ROBO2: variants seen among roughly 807,000 people sequenced by gnomAD.
The protein encoded by ROBO2 is roundabout homolog 2.
A neutral mutation model predicts 160.8 loss-of-function variants in ROBO2; 53 were observed. The observed-to-expected ratio is 0.33, with a 90% CI of 0.26 to 0.41. The LOEUF is 0.41. ROBO2 is among the 10% of genes least tolerant of loss of function. ROBO2 has a pLI of 1.00. For synonymous variants in ROBO2, 664 were observed against 611.7 expected, an observed-to-expected ratio of 1.09 and a Z score of -1.26; for missense variants, 1,577 against 1,722.4, an observed-to-expected ratio of 0.92 and a Z score of 1.49.
At chr3:77,079,692 T>C (rs1355937267) in intron 1 of ROBO2, among the ~76,000 whole-genome samples, 1 of 152,224 alleles carries the variant, frequency 6.6e-6, no homozygotes. Context: ...CTCATAATGA[T>C]GTTCATTCCA....
Position 76,877,067 on chromosome 3 carries a change from GA to G in ROBO2, c.110-220939del, listed in dbSNP as rs763607957. ...ATTTTACATTTTCCATAAGAGTAAA[GA>G]AAAAAAATATTTTCCAAGATTAAAA... On this transcript the variant is annotated intron_variant, in intron 2 of 26. Coordinates refer to the ROBO2 transcript ENST00000487694. Among the ~76,000 whole-genome samples the G allele has an allele frequency of 1.4e-4, 21 of 151,794 alleles. No homozygotes were observed. In the East Asian group the frequency reaches 2.3e-3, roughly 17 times the overall value.
At chr3:76,332,629 A>T (rs2073576401) in intron 2 of ROBO2, among the ~76,000 whole-genome samples, 1 of 152,212 alleles carries the variant, frequency 6.6e-6, no homozygotes, top group South Asian at 2.1e-4. Flanking sequence ...CTGTTTACAC[A>T]TTTCTGAAAC....
chr3:75,939,413 A>G (rs1213857040), intron 2 of ROBO2, among the ~76,000 whole-genome samples: 1 of 152,162 alleles, frequency 6.6e-6, no homozygotes, highest in Non-Finnish European at 1.5e-5. Context: ...TGATTGCTCA[A>G]ATATTCTATC....
At chr3:76,639,998 G>A (rs1234359223) in intron 2 of ROBO2, among the ~76,000 whole-genome samples, 1 of 152,088 alleles carries the variant, frequency 6.6e-6, no homozygotes, top group Non-Finnish European at 1.5e-5. Context: ...CTATTTTTAC[G>A]GGGTTATGAT....
rs1583036955 is a variant in ROBO2, at chr3:77,574,423, T to G, written c.1972-76T>G. On this transcript the variant is annotated intron_variant, in intron 13 of 25. Coordinates refer to ENST00000461745, the Ensembl canonical transcript of ROBO2. ...GTTATGAGGACAGAAATGGGACAAA[T>G]GAAAAGAGGACAAATTCATTGTGTT... 3 of 1,276,806 alleles carry G rather than the reference T, an allele frequency of 2.3e-6. No homozygotes were observed. The East Asian group carries it at 7.1e-5, about 30-fold the overall frequency. The allele number at this position is 1,276,806 out of a possible 1,614,324, so 79.1% of individuals were successfully genotyped here.
chr3:76,480,973 T>G (rs918096152), intron 2 of ROBO2, among the ~76,000 whole-genome samples: 1 of 152,136 alleles, frequency 6.6e-6, no homozygotes, highest in African/African-American at 2.4e-5. Context: ...TTTATAGAGA[T>G]TGTATGGAGT....
At chr3:77,292,285 C>G (rs1421022487) in intron 2 of ROBO2, among the ~76,000 whole-genome samples, 3 of 143,710 alleles carry the variant, frequency 2.1e-5, no homozygotes, top group Non-Finnish European at 4.6e-5. Flanking sequence ...CTAGATCACC[C>G]AGACATAAAG....
intron 2 of ROBO2, among the ~76,000 whole-genome samples, chr3:76,929,221 T>C (rs938682198): frequency 3.9e-5 from 6 of 152,074 alleles, no homozygotes; most frequent in Admixed American, 3.9e-4. Flanking sequence ...GATTACGCCA[T>C]TGCACTCCAG....
intron 2 of ROBO2, among the ~76,000 whole-genome samples, chr3:77,108,035 A>C (rs1294590064): frequency 6.6e-6 from 1 of 151,886 alleles, no homozygotes; most frequent in Non-Finnish European, 1.5e-5. Context: ...TTTTTTTCTT[A>C]ACATGAGGTA....
intron 2 of ROBO2, among the ~76,000 whole-genome samples, chr3:76,245,898 T>C (rs1705588188): frequency 6.6e-6 from 1 of 152,164 alleles, no homozygotes. Context: ...TGTTATATTC[T>C]GGAGAAGTTT....
chr3:76,228,176 C>T (rs563832591), intron 2 of ROBO2, among the ~76,000 whole-genome samples: 2 of 152,146 alleles, frequency 1.3e-5, no homozygotes, highest in Admixed American at 1.3e-4. Flanking sequence ...AAGGATTCTC[C>T]ATAATATTTT....
At chr3:77,642,853 G>T (rs1469622850) in intron 24 of ROBO2, 1 of 456,694 alleles carries the variant, frequency 2.2e-6, no homozygotes, top group Non-Finnish European at 4.4e-6. Flanking sequence ...AACCTCCCTA[G>T]AGTGGCAGCG....
At chr3:76,304,743 T>TTCC (rs1553700094) in intron 2 of ROBO2, among the ~76,000 whole-genome samples, 6,942 of 117,656 alleles carry the variant, frequency 0.059, 253 homozygotes, top group African/African-American at 0.075. Flanking sequence ...TTTTCTTTTC[T>TTCC]TTCCTTCTTT....
intron 2 of ROBO2, among the ~76,000 whole-genome samples, chr3:76,416,490 CATTAT>C (rs2075764565): frequency 6.6e-6 from 1 of 152,008 alleles, no homozygotes; most frequent in Non-Finnish European, 1.5e-5. Context: ...ACATTTTGAC[CATTAT>C]ATTCTTTGTA....
chr3:77,400,723 T>C (rs1012704933), intron 2 of ROBO2, among the ~76,000 whole-genome samples: 4 of 152,222 alleles, frequency 2.6e-5, no homozygotes, highest in African/African-American at 7.2e-5. Flanking sequence ...CATTCGCGAG[T>C]GAGCTAAATG....
chr3:75,949,917 T>G (rs1318885626), intron 2 of ROBO2, among the ~76,000 whole-genome samples: 6 of 152,094 alleles, frequency 3.9e-5, no homozygotes, highest in African/African-American at 1.2e-4. Context: ...GTATGCTAAA[T>G]CATTTGCAAA....
chr3:76,977,379 T>C (rs1330911869), intron 2 of ROBO2, among the ~76,000 whole-genome samples: 1 of 152,206 alleles, frequency 6.6e-6, no homozygotes, highest in Non-Finnish European at 1.5e-5. Flanking sequence ...GTCAGCAGTT[T>C]TTGAAATATC....
intron 2 of ROBO2, among the ~76,000 whole-genome samples, chr3:77,411,056 C>A: frequency 6.6e-6 from 1 of 152,090 alleles, no homozygotes; most frequent in East Asian, 1.9e-4. Context: ...CTCCTCCCAC[C>A]TCAGCTTCCC....
intron 2 of ROBO2, among the ~76,000 whole-genome samples, chr3:76,913,867 G>A (rs1246701183): frequency 2.6e-5 from 4 of 151,480 alleles, no homozygotes; most frequent in Admixed American, 6.6e-5. Context: ...CTCCTTTAGA[G>A]GAGTAACTGA....
Sources: allele counts gnomAD v4.1 joint callset (sites outside exome capture counted in the v4.1 genomes callset), GRCh38; gene constraint gnomAD v4.1.1; transcripts MANE v1.5; gene names NCBI Gene and HGNC (gene_info 2026-07-23, HGNC 2026-07-21).